PPFIA2: variants seen among roughly 807,000 people sequenced by gnomAD.
PPFIA2 encodes PPFI scaffold protein A2, also known as liprin-alpha-2.
In PPFIA2, 46 loss-of-function variants were observed where a neutral mutation model predicts 175.5. The ratio of observed to expected loss-of-function variants is 0.26; its 90% CI spans 0.21 to 0.34. PPFIA2 has a LOEUF of 0.34. Among genes scored for constraint, PPFIA2 ranks in the 10% least tolerant of loss-of-function variants. The pLI is 1.00. For synonymous variants in PPFIA2, 568 were observed against 511.4 expected, an observed-to-expected ratio of 1.11 and a Z score of -1.49; for missense variants, 1,179 against 1,506.1, an observed-to-expected ratio of 0.78 and a Z score of 3.60.
intron 4 of PPFIA2, among the ~76,000 whole-genome samples, chr12:81,526,068 C>T (rs2063701141): frequency 1.3e-5 from 2 of 151,852 alleles, no homozygotes; most frequent in African/African-American, 2.4e-5. Flanking sequence ...TTTTCCTTTC[C>T]AAGTACTTAG....
intron 4 of PPFIA2, among the ~76,000 whole-genome samples, chr12:81,466,898 A>G (rs1225812926): frequency 6.8e-6 from 1 of 147,280 alleles, no homozygotes; most frequent in African/African-American, 2.5e-5. Context: ...TATATTAAAT[A>G]TAATATATAA....
At chr12:81,352,377 CAGAGAG>C (rs112117854) in intron 17 of PPFIA2, among the ~76,000 whole-genome samples, 7 of 145,248 alleles carry the variant, frequency 4.8e-5, no homozygotes, top group East Asian at 2.1e-4. Context: ...GGGGGGCAGA[CAGAGAG>C]AGAGAGAGAG....
At chr12:81,691,945 C>T (rs2075291852) in intron 3 of PPFIA2, among the ~76,000 whole-genome samples, 1 of 152,028 alleles carries the variant, frequency 6.6e-6, no homozygotes, top group South Asian at 2.1e-4. Flanking sequence ...GGTATTCACA[C>T]CCTTGTGTAA....
At chr12:81,357,313 A>G (rs2060999060) in intron 16 of PPFIA2, among the ~76,000 whole-genome samples, 1 of 152,212 alleles carries the variant, frequency 6.6e-6, no homozygotes, top group African/African-American at 2.4e-5. Flanking sequence ...AATACATGGC[A>G]TACTGGTGCC....
chr12:81,319,275 G>C (rs1420221248), intron 22 of PPFIA2, among the ~76,000 whole-genome samples: 1 of 151,558 alleles, frequency 6.6e-6, no homozygotes, highest in Admixed American at 6.6e-5. Flanking sequence ...AGAACACTTT[G>C]GTTTTCCTTA....
At chr12:81,668,610 C>T (rs184319284) in intron 4 of PPFIA2, among the ~76,000 whole-genome samples, 252 of 152,126 alleles carry the variant, frequency 1.7e-3, no homozygotes, top group Non-Finnish European at 2.8e-3. Context: ...CACACACTTC[C>T]CTCCACAGAG....
chr12:81,322,393 T>C (rs1305912311), intron 22 of PPFIA2, among the ~76,000 whole-genome samples: 1 of 151,954 alleles, frequency 6.6e-6, no homozygotes, highest in Non-Finnish European at 1.5e-5. Flanking sequence ...AGTCATGGCA[T>C]CCCCAGATGA....
At chr12:81,545,474 G>C (rs1375846604) in intron 4 of PPFIA2, 4 of 154,382 alleles carry the variant, frequency 2.6e-5, no homozygotes, top group African/African-American at 7.2e-5. Flanking sequence ...TGTCTAAAAA[G>C]AGTGCTGCTG....
chr12:81,566,968 T>A (rs1221421742), intron 4 of PPFIA2, among the ~76,000 whole-genome samples: 1 of 152,252 alleles, frequency 6.6e-6, no homozygotes, highest in African/African-American at 2.4e-5. Context: ...GTTGTAAGAA[T>A]AAAATTATAA....
rs2065347111 is a variant in PPFIA2 at position 81,642,741 on chromosome 12, G to GTATATATTATATACATACAT, written c.303+34049_303+34050insATGTATGTATATAATATATA. Among the ~76,000 whole-genome samples the GTATATATTATATACATACAT allele has an allele frequency of 3.5e-4, 20 of 56,600 alleles. 5 individuals carry two copies. Among genetic ancestry groups the GTATATATTATATACATACAT allele is most frequent in the Non-Finnish European group, 5.2e-4 (12 of 23,300 alleles). 37.1% of individuals were successfully genotyped at this position (56,600 alleles called of 152,430 possible). A position where few individuals can be genotyped will look rare whatever the true frequency, so the allele number is the denominator to read the frequency against. ...ATTATATACATACATGTATATGTAT[G>GTATATATTATATACATACAT]TATGTATTATATACATACATGTATA... On this transcript the variant is annotated intron_variant, in intron 4 of 32. Coordinates refer to ENST00000549396, the MANE Select transcript of PPFIA2 (RefSeq NM_003625.5).
intron 22 of PPFIA2, among the ~76,000 whole-genome samples, chr12:81,315,254 G>A (rs2052047568): frequency 6.6e-6 from 1 of 151,808 alleles, no homozygotes; most frequent in African/African-American, 2.4e-5. Context: ...ATTTCACAAT[G>A]AAACTATTTC....
intron 3 of PPFIA2, among the ~76,000 whole-genome samples, chr12:81,684,107 C>T (rs1427229819): frequency 6.6e-6 from 1 of 152,074 alleles, no homozygotes; most frequent in African/African-American, 2.4e-5. Context: ...AGGGGACAAA[C>T]ATTAAAACCA....
At chr12:81,694,703 A>G (rs997071702) in intron 3 of PPFIA2, among the ~76,000 whole-genome samples, 4 of 152,146 alleles carry the variant, frequency 2.6e-5, no homozygotes, top group Non-Finnish European at 5.9e-5. Flanking sequence ...TAGTGAAGCT[A>G]TGAGAGAGAG....
At chr12:81,437,512 T>C (rs918667646) in intron 7 of PPFIA2, among the ~76,000 whole-genome samples, 22 of 152,024 alleles carry the variant, frequency 1.4e-4, no homozygotes, top group Non-Finnish European at 2.9e-4. Flanking sequence ...GGATTACAGG[T>C]GTGAACCACC....
intron 8 of PPFIA2, among the ~76,000 whole-genome samples, chr12:81,389,064 G>C (rs921511904): frequency 1.3e-5 from 2 of 150,914 alleles, no homozygotes; most frequent in African/African-American, 2.4e-5. Flanking sequence ...CGCTGAACAT[G>C]TGTTCTTTCG....
chr12:81,689,516 T>C (rs1201861655), intron 3 of PPFIA2, among the ~76,000 whole-genome samples: 1 of 152,016 alleles, frequency 6.6e-6, no homozygotes, highest in Non-Finnish European at 1.5e-5. Flanking sequence ...TGATGTTATG[T>C]TATTCAAGTA....
chr12:81,654,140 GA>G (rs1262574558), intron 4 of PPFIA2, among the ~76,000 whole-genome samples: 2 of 150,612 alleles, frequency 1.3e-5, no homozygotes, highest in African/African-American at 4.9e-5. Context: ...TAGCGAAGAA[GA>G]AAAAAATTTA....
chr12:81,727,830 T>A (rs926042787), intron 3 of PPFIA2, among the ~76,000 whole-genome samples: 7 of 151,394 alleles, frequency 4.6e-5, no homozygotes, highest in African/African-American at 1.7e-4. Context: ...GCTGAGTATG[T>A]CTGAATCTCC....
intron 3 of PPFIA2, among the ~76,000 whole-genome samples, chr12:81,741,331 A>G (rs2082294624): frequency 6.6e-6 from 1 of 152,162 alleles, no homozygotes. Context: ...GATTTTTAAT[A>G]TATGATAGTT....
Sources: gnomAD v4.1 joint callset for allele counts (sites outside exome capture counted in the v4.1 genomes callset) on GRCh38, gnomAD v4.1.1 for gene constraint, MANE v1.5 for transcripts, NCBI Gene and HGNC (gene_info 2026-07-23, HGNC 2026-07-21) for gene names.